The following RBFOX1 variants were observed in gnomAD, a reference collection of about 807,000 sequenced individuals.
RBFOX1 encodes RNA binding protein fox-1 homolog 1.
RBFOX1 carries 8 observed loss-of-function variants against 57.7 expected under a neutral mutation model. The ratio of observed to expected loss-of-function variants is 0.14; its 90% CI spans 0.08 to 0.25. The LOEUF (loss-of-function observed/expected upper bound fraction) is 0.25. Ranked by LOEUF, RBFOX1 falls within the 10% of genes least tolerant of loss-of-function variation. The pLI is 1.00. For missense variants in RBFOX1, 611 were observed against 548.5 expected (o/e 1.11, Z -1.14); for synonymous variants, 326 against 222.4 (o/e 1.47, Z -4.15).
At chr16:6,360,215 A>G (rs1436931575) in intron 2 of RBFOX1, among the ~76,000 whole-genome samples, 1 of 151,946 alleles carries the variant, frequency 6.6e-6, no homozygotes, top group Non-Finnish European at 1.5e-5. Context: ...AATTTCTTAT[A>G]CATCATTGTG....
intron 3 of RBFOX1, among the ~76,000 whole-genome samples, chr16:5,635,812 T>TA (rs1254740850): frequency 6.6e-6 from 1 of 151,828 alleles, no homozygotes; most frequent in African/African-American, 2.4e-5. Flanking sequence ...TGGGTTTTTT[T>TA]TGGAGGATTT....
intron 3 of RBFOX1, among the ~76,000 whole-genome samples, chr16:6,724,922 T>G (rs1205850555): frequency 6.6e-6 from 1 of 152,152 alleles, no homozygotes; most frequent in African/African-American, 2.4e-5. Context: ...CTGTAGCATT[T>G]GTAAACTGTC....
chr16:5,829,570 C>A (rs1281083786), intron 3 of RBFOX1, among the ~76,000 whole-genome samples: 9 of 152,100 alleles, frequency 5.9e-5, no homozygotes, highest in African/African-American at 2.2e-4. Context: ...CCCTCTTCTA[C>A]CTCCTCCAAC....
chr16:6,952,463 G>A (rs1160558607), intron 3 of RBFOX1, among the ~76,000 whole-genome samples: 3 of 151,718 alleles, frequency 2.0e-5, no homozygotes, highest in African/African-American at 4.8e-5. Flanking sequence ...CCTGGGCCAC[G>A]TATTAAGACC....
chr16:7,553,324 C>T (rs1319096959), intron 5 of RBFOX1, among the ~76,000 whole-genome samples: 1 of 151,922 alleles, frequency 6.6e-6, no homozygotes, highest in African/African-American at 2.4e-5. Flanking sequence ...TTAAAATTTT[C>T]TGTAGAGATG....
At chr16:6,289,863 G>A (rs1001546752) in intron 1 of RBFOX1, among the ~76,000 whole-genome samples, 6 of 152,172 alleles carry the variant, frequency 3.9e-5, no homozygotes, top group Non-Finnish European at 7.3e-5. Flanking sequence ...CCCTCAGTAA[G>A]AGAATAATGA....
chr16:6,477,179 T>C (rs1334314432), intron 2 of RBFOX1, among the ~76,000 whole-genome samples: 1 of 152,218 alleles, frequency 6.6e-6, no homozygotes, highest in African/African-American at 2.4e-5. Flanking sequence ...GTTGCTATTT[T>C]GACCTCCTTC....
intron 4 of RBFOX1, among the ~76,000 whole-genome samples, chr16:5,942,916 A>G (rs1342687943): frequency 2.6e-5 from 4 of 152,246 alleles, no homozygotes; most frequent in East Asian, 1.9e-4. Flanking sequence ...GGGATATGCA[A>G]TGTCCCTGTC....
At chr16:6,038,974 C>A (rs2095405942) in intron 1 of RBFOX1, 1 of 119,684 alleles carries the variant, frequency 8.4e-6, no homozygotes, top group Non-Finnish European at 1.6e-5. Context: ...ACATACCAGC[C>A]AATGTCCTCT....
chr16:6,305,545 C>G (rs566540897), intron 1 of RBFOX1, among the ~76,000 whole-genome samples: 130 of 151,754 alleles, frequency 8.6e-4, no homozygotes, highest in Admixed American at 1.8e-3. Flanking sequence ...GCAATAATTT[C>G]CATCACTTTT....
At chr16:5,856,187 C>CTATATATA (rs1200113050) in intron 3 of RBFOX1, among the ~76,000 whole-genome samples, 27 of 31,052 alleles carry the variant, frequency 8.7e-4, no homozygotes, top group African/African-American at 1.8e-3. Context: ...CTCTCTCTCT[C>CTATATATA]TATATATATA....
intron 3 of RBFOX1, among the ~76,000 whole-genome samples, chr16:5,771,044 C>T (rs994091538): frequency 4.6e-5 from 7 of 152,148 alleles, no homozygotes; most frequent in African/African-American, 1.7e-4. Context: ...GGAGGAGACG[C>T]AAAACCTGAG....
At chr16:5,555,516 G>A (rs954564579) in intron 2 of RBFOX1, among the ~76,000 whole-genome samples, 5 of 151,958 alleles carry the variant, frequency 3.3e-5, no homozygotes, top group Non-Finnish European at 7.4e-5. Context: ...CTCCCAAAGT[G>A]CTGGGATTAC....
In RBFOX1 at chr16:5,301,113, T is replaced by A. The variant is rs534627834; in HGVS notation, c.219+61008T>A. ...AATGAATAGAACATGGAGAAAATGA[T>A]GGGATGTTACCTTCGAGACCAGTTT... On this transcript the variant is annotated intron_variant, in intron 1 of 2. Coordinates refer to the RBFOX1 transcript ENST00000585867. 2.0e-5 allele frequency among the ~76,000 whole-genome samples: 3 copies of A among 152,314 alleles called. No individual in the cohort carries two copies. The South Asian group carries it at 6.2e-4, about 32-fold the overall frequency.
intron 4 of RBFOX1, among the ~76,000 whole-genome samples, chr16:7,144,113 C>T (rs1227486402): frequency 6.6e-6 from 1 of 152,054 alleles, no homozygotes; most frequent in Non-Finnish European, 1.5e-5. Context: ...AGAATTTGCT[C>T]CTCTAGGTAA....
chr16:7,382,316 TC>T (rs1397998348), intron 4 of RBFOX1, among the ~76,000 whole-genome samples: 1 of 152,228 alleles, frequency 6.6e-6, no homozygotes, highest in Non-Finnish European at 1.5e-5. Context: ...CTTAAAGCTA[TC>T]CACAGCCCTC....
At chr16:7,574,529 G>A (rs1346764497) in intron 5 of RBFOX1, among the ~76,000 whole-genome samples, 2 of 152,128 alleles carry the variant, frequency 1.3e-5, no homozygotes, top group African/African-American at 4.8e-5. Context: ...TGAAGAACTT[G>A]GAGTCCCATG....
intron 4 of RBFOX1, among the ~76,000 whole-genome samples, chr16:5,900,286 C>G (rs2058274910): frequency 6.6e-6 from 1 of 152,068 alleles, no homozygotes; most frequent in Admixed American, 6.5e-5. Context: ...GTGGTAGATG[C>G]TTAGCATATT....
chr16:6,587,805 A>C (rs2097651297), intron 2 of RBFOX1, among the ~76,000 whole-genome samples: 2 of 152,208 alleles, frequency 1.3e-5, no homozygotes, highest in African/African-American at 2.4e-5. Context: ...TAGTTTCACC[A>C]ATGATTAACA....
Sources: allele counts gnomAD v4.1 joint callset (sites outside exome capture counted in the v4.1 genomes callset), GRCh38; gene constraint gnomAD v4.1.1; transcripts MANE v1.5; gene names NCBI Gene and HGNC (gene_info 2026-07-23, HGNC 2026-07-21).